Variants in DLC1 observed in about 807,000 individuals in gnomAD.
DLC1 encodes rho GTPase-activating protein 7.
A neutral mutation model predicts 140.3 loss-of-function variants in DLC1; 54 were observed. That is an observed-to-expected ratio of 0.38 (90% CI 0.31 to 0.48). The LOEUF is 0.48. Among genes scored for constraint, DLC1 ranks in the 20% least tolerant of loss-of-function variants. The pLI, the probability that DLC1 is intolerant of heterozygous loss-of-function variation, is 0.96. For synonymous variants in DLC1, 986 were observed against 728.1 expected (o/e 1.35, Z -5.70); for missense variants, 2,536 against 1,907.0 (o/e 1.33, Z -6.14).
In DLC1 at chr8:13,102,796, C is replaced by T. The variant is rs1819206724; in HGVS notation, c.1560G>A (p.Arg520=). The change falls in exon 8 of 18, where the codon CGG becomes CGA. Residue 520 remains arginine (R), a synonymous_variant. Coordinates refer to ENST00000276297, the MANE Select transcript of DLC1 (RefSeq NM_182643.3). ...ATGCAATTTGTATACTCACTCGTTTCCGATGAGGACTAATTTCTAGCTTCA... is the reference window on the plus strand; with the variant it reads ...ATGCAATTTGTATACTCACTCGTTTTCGATGAGGACTAATTTCTAGCTTCA... ...AVMKLEISPH[R]KRSDDSDEDE... is the part of the protein sequence containing the mutation. 1 of 1,613,850 alleles carries T rather than the reference C, an allele frequency of 6.2e-7. No individual in the cohort carries two copies. The highest frequency in any genetic ancestry group is 2.2e-5 in the East Asian group (1 of 44,838).
rs186331148 is a variant in DLC1, at chr8:13,276,259, C to T, written c.1348+29010G>A. 4 of 1,535,454 alleles carry T rather than the reference C, an allele frequency of 2.6e-6. No homozygotes were observed. In the East Asian group the frequency reaches 9.8e-5, roughly 38 times the overall value. ...CGGTCTCCAATCCCCCTCTGCCTCT[C>T]ACCTGCCAGCCGTCTGTCTCTAGTG... On this transcript the variant is annotated intron_variant, in intron 5 of 17. Coordinates refer to ENST00000276297, the MANE Select transcript of DLC1 (RefSeq NM_182643.3).
At chr8:13,572,504 T>C (rs1245022111) in intron 1 of DLC1, among the ~76,000 whole-genome samples, 1 of 152,228 alleles carries the variant, frequency 6.6e-6, no homozygotes, top group Non-Finnish European at 1.5e-5. Context: ...TCAGTTTTTC[T>C]ATTTCTTCTT....
chr8:13,576,342 G>A (rs1804835631), intron 1 of DLC1, among the ~76,000 whole-genome samples: 1 of 152,142 alleles, frequency 6.6e-6, no homozygotes, highest in Admixed American at 6.6e-5. Context: ...CAATGGGAGT[G>A]CCTATTGTAT....
At chr8:13,094,993 C>T in intron 11 of DLC1, 36 bp from the exon 12 acceptor site, 1 of 1,613,958 alleles carries the variant, frequency 6.2e-7, no homozygotes, top group Non-Finnish European at 8.5e-7. Flanking sequence ...GGGGTACATT[C>T]ACGTGGACGC....
In DLC1 at chr8:13,561,948, T is replaced by C. The variant is rs139046006; in HGVS notation, c.-126+42589A>G. On this transcript the variant is annotated intron_variant, in intron 1 of 1. Coordinates refer to the DLC1 transcript ENST00000631382. ...GCAAGAGGCTATCTTAACTTATAGA[T>C]AATATGATTATATATTTGGAAAACA... Among the ~76,000 whole-genome samples the C allele has an allele frequency of 4.3e-3, 650 of 152,216 alleles. 5 individuals carry two copies. Among genetic ancestry groups the C allele is most frequent in the African/African-American group, 0.015 (603 of 41,532 alleles).
intron 4 of DLC1, among the ~76,000 whole-genome samples, chr8:13,383,295 T>A (rs974197735): frequency 1.3e-5 from 2 of 152,182 alleles, no homozygotes; most frequent in African/African-American, 4.8e-5. Context: ...TTCCTCCTTT[T>A]ATTGAATGAG....
intron 4 of DLC1, among the ~76,000 whole-genome samples, chr8:13,376,017 A>G (rs1397916644): frequency 6.6e-6 from 1 of 152,172 alleles, no homozygotes; most frequent in Non-Finnish European, 1.5e-5. Context: ...CACGAACCGA[A>G]AAGAGTTTAA....
At chr8:13,276,151 A>G in intron 5 of DLC1, 1 of 1,412,156 alleles carries the variant, frequency 7.1e-7, no homozygotes, top group African/African-American at 1.5e-5. Flanking sequence ...TGAAACTTCA[A>G]CCAGCTGATG....
chr8:13,521,493 G>T (rs920342772), intron 1 of DLC1, among the ~76,000 whole-genome samples: 3 of 151,960 alleles, frequency 2.0e-5, no homozygotes, highest in Middle Eastern at 3.2e-3. Context: ...ATGGGGCCAC[G>T]CATTCTCTCC....
chr8:13,359,002 G>A (rs1195485901), intron 4 of DLC1, among the ~76,000 whole-genome samples: 1 of 152,052 alleles, frequency 6.6e-6, no homozygotes, highest in Non-Finnish European at 1.5e-5. Context: ...GCAGTGGCGC[G>A]ATCTAGGCTC....
At chr8:13,199,427 T>C (rs1477986371) in intron 5 of DLC1, among the ~76,000 whole-genome samples, 2 of 151,994 alleles carry the variant, frequency 1.3e-5, no homozygotes, top group Non-Finnish European at 2.9e-5. Flanking sequence ...CACGCAATCC[T>C]CCCGCGTCCT....
intron 4 of DLC1, among the ~76,000 whole-genome samples, chr8:13,360,768 A>C (rs1835185423): frequency 6.6e-6 from 1 of 152,220 alleles, no homozygotes; most frequent in African/African-American, 2.4e-5. Context: ...AAAATAAAAA[A>C]TAAAATTCAT....
At chr8:13,498,617 T>C (rs903878337) in intron 2 of DLC1, among the ~76,000 whole-genome samples, 2 of 152,178 alleles carry the variant, frequency 1.3e-5, no homozygotes, top group Non-Finnish European at 1.5e-5. Context: ...CACCTTTTTT[T>C]CTTATGAAAA....
chr8:13,255,857 TAA>T (rs890709996), intron 5 of DLC1, among the ~76,000 whole-genome samples: 15 of 152,234 alleles, frequency 9.9e-5, no homozygotes, highest in African/African-American at 3.6e-4. Context: ...TAATATTTGT[TAA>T]ATGAAAGAAT....
intron 1 of DLC1, among the ~76,000 whole-genome samples, chr8:13,576,612 A>G (rs1299469437): frequency 6.6e-6 from 1 of 152,112 alleles, no homozygotes; most frequent in Non-Finnish European, 1.5e-5. Flanking sequence ...TTACCCAATA[A>G]TTTTCACAAA....
At chr8:13,415,947 AAAC>A (rs1252141626) in intron 2 of DLC1, among the ~76,000 whole-genome samples, 1 of 152,220 alleles carries the variant, frequency 6.6e-6, no homozygotes, top group Admixed American at 6.5e-5. Context: ...GGGAAGTTTC[AAAC>A]AACTATGCCA....
intron 5 of DLC1, among the ~76,000 whole-genome samples, chr8:13,274,784 T>C (rs1048992241): frequency 2.7e-5 from 4 of 149,480 alleles, no homozygotes; most frequent in African/African-American, 9.8e-5. Context: ...CAACAAGATA[T>C]TTTTGCATTA....
chr8:13,383,157 C>G (rs991359997), intron 4 of DLC1, among the ~76,000 whole-genome samples: 18 of 152,192 alleles, frequency 1.2e-4, no homozygotes, highest in African/African-American at 4.3e-4. Context: ...AAGGGCACAT[C>G]TCACAGGAAG....
intron 1 of DLC1, among the ~76,000 whole-genome samples, chr8:13,574,416 A>C (rs184710584): frequency 7.4e-4 from 113 of 152,264 alleles, no homozygotes; most frequent in African/African-American, 2.6e-3. Flanking sequence ...GCCCTTGAAT[A>C]TATTCAAAGG....
Sources: allele counts gnomAD v4.1 joint callset (sites outside exome capture counted in the v4.1 genomes callset), GRCh38; gene constraint gnomAD v4.1.1; transcripts MANE v1.5; gene names NCBI Gene and HGNC (gene_info 2026-07-23, HGNC 2026-07-21).